KIAA0040: variants seen among roughly 807,000 people sequenced by gnomAD.
KIAA0040 encodes the protein KIAA0040.
A neutral mutation model predicts 7.2 loss-of-function variants in KIAA0040; 10 were observed. The ratio of observed to expected loss-of-function variants is 1.38; its 90% CI spans 0.85 to 2.34. The LOEUF (loss-of-function observed/expected upper bound fraction) is 2.34, where lower values mean the gene tolerates loss of function less well. Among genes scored for constraint, KIAA0040 ranks in the 30% most tolerant of loss-of-function variants. The pLI is 0.00. For synonymous variants in KIAA0040, 49 were observed against 40.1 expected (o/e 1.22, Z -0.84); for missense variants, 89 against 108.2 (o/e 0.82, Z 0.79).
intron 2 of KIAA0040, among the ~76,000 whole-genome samples, chr1:175,167,805 A>T (rs1432468326): frequency 1.3e-5 from 2 of 152,002 alleles, no homozygotes; most frequent in East Asian, 3.9e-4. Flanking sequence ...ACATGAGAGG[A>T]GGTGTCCCTG....
intron 2 of KIAA0040, among the ~76,000 whole-genome samples, chr1:175,172,190 C>T (rs1677019830): frequency 6.6e-6 from 1 of 152,128 alleles, no homozygotes; most frequent in South Asian, 2.1e-4. Context: ...CCTCATGTTA[C>T]CCTCAGGATT....
intron 1 of KIAA0040, among the ~76,000 whole-genome samples, chr1:175,191,062 T>C (rs1388797479): frequency 6.6e-6 from 1 of 152,262 alleles, no homozygotes; most frequent in Non-Finnish European, 1.5e-5. Flanking sequence ...CAGTGCCCTG[T>C]AGCTACTGCT....
At chr1:175,181,023 T>G (rs1677420458) in intron 1 of KIAA0040, among the ~76,000 whole-genome samples, 1 of 152,006 alleles carries the variant, frequency 6.6e-6, no homozygotes, top group Admixed American at 6.6e-5. Context: ...TTATTATTAT[T>G]ATTACTTTAG....
At chr1:175,170,840 C>A (rs1422004552) in intron 2 of KIAA0040, among the ~76,000 whole-genome samples, 1 of 151,790 alleles carries the variant, frequency 6.6e-6, no homozygotes, top group African/African-American at 2.4e-5. Flanking sequence ...ACCCCCAGGC[C>A]CTGCTCACGC....
At chr1:175,184,333 G>T (rs1226960280) in intron 1 of KIAA0040, among the ~76,000 whole-genome samples, 1 of 152,160 alleles carries the variant, frequency 6.6e-6, no homozygotes, top group African/African-American at 2.4e-5. Flanking sequence ...ACATTACAGG[G>T]TCTCCTCCCT....
chr1:175,176,702 C>CTTTTTTTTTTTTTT (rs1677212623), intron 2 of KIAA0040, among the ~76,000 whole-genome samples: 2 of 20,134 alleles, frequency 9.9e-5, no homozygotes, highest in Non-Finnish European at 2.2e-4. Flanking sequence ...TTTTTTTTTG[C>CTTTTTTTTTTTTTT]TTCAGCACCT....
At chr1:175,176,669 C>CTTTTTTTT (rs34859478) in intron 2 of KIAA0040, among the ~76,000 whole-genome samples, 785 of 27,466 alleles carry the variant, frequency 0.029, 285 homozygotes, top group Non-Finnish European at 0.048. Context: ...AAGTAGCATG[C>CTTTTTTTT]TTTTTTTTTT....
At chr1:175,188,483 C>T (rs568263467) in intron 1 of KIAA0040, among the ~76,000 whole-genome samples, 101 of 152,272 alleles carry the variant, frequency 6.6e-4, no homozygotes, top group African/African-American at 2.3e-3. Flanking sequence ...GTGTCTGTGA[C>T]GAGTCTCCTG....
At chr1:175,186,414 A>G (rs1034589517) in intron 1 of KIAA0040, among the ~76,000 whole-genome samples, 2 of 152,218 alleles carry the variant, frequency 1.3e-5, no homozygotes, top group African/African-American at 2.4e-5. Flanking sequence ...TTTTACCCTC[A>G]GGCCCTACCT....
chr1:175,161,002 G>A lies in KIAA0040; in HGVS notation c.12C>T (p.Ile4=). The A allele has an allele frequency of 6.4e-7, 1 of 1,550,740 alleles. No homozygotes were observed. MER[I]SAFFSSIWDT... is the part of the protein sequence containing the mutation. ...CCCAGATAGAGCTGAAGAAGGCACT[G>A]ATTCTCTCCATGGTGCTTGGCTAGA... The change falls in exon 4 of 4, where the codon ATC becomes ATT. Residue 4 remains isoleucine (I), a synonymous_variant. Coordinates refer to ENST00000423313, the MANE Select transcript of KIAA0040 (RefSeq NM_014656.3).
Position 175,182,531 on chromosome 1 carries a change from G to A in KIAA0040, c.-383-4847C>T, listed in dbSNP as rs555368682. On this transcript the variant is annotated intron_variant, in intron 1 of 3. Coordinates refer to ENST00000423313, the MANE Select transcript of KIAA0040 (RefSeq NM_014656.3). The stretch of plus-strand genomic sequence containing the variant: ...CTAAGAGTCAAGCCTAGATCGGTCC[G>A]TGGTCAGAGGCTGCACAGTGGAAGC... 5.6e-4 allele frequency among the ~76,000 whole-genome samples: 86 copies of A among 152,282 alleles called. 1 individual carries two copies. The highest frequency in any genetic ancestry group is 5.6e-3 in the South Asian group (27 of 4,828).
chr1:175,184,205 G>C (rs969936316), intron 1 of KIAA0040, among the ~76,000 whole-genome samples: 2 of 152,198 alleles, frequency 1.3e-5, no homozygotes, highest in Non-Finnish European at 2.9e-5. Context: ...AATTGGCAAA[G>C]ATACTGTATA....
At chr1:175,188,639 C>T (rs1448938456) in intron 1 of KIAA0040, among the ~76,000 whole-genome samples, 2 of 152,188 alleles carry the variant, frequency 1.3e-5, no homozygotes, top group African/African-American at 2.4e-5. Flanking sequence ...TGAGGAAACA[C>T]TAAAAGGATT....
chr1:175,182,500 T>G (rs774881662), intron 1 of KIAA0040, among the ~76,000 whole-genome samples: 8 of 152,270 alleles, frequency 5.3e-5, no homozygotes, highest in South Asian at 4.2e-4. Flanking sequence ...CAAATGACAT[T>G]CTATCCTAAG....
intron 1 of KIAA0040, among the ~76,000 whole-genome samples, chr1:175,188,443 T>C (rs1030447634): frequency 1.3e-5 from 2 of 152,204 alleles, no homozygotes; most frequent in African/African-American, 4.8e-5. Context: ...GGAAAAAGTC[T>C]ATCATGCTAC....
At chr1:175,180,100 T>C (rs952723403) in intron 1 of KIAA0040, among the ~76,000 whole-genome samples, 4 of 152,168 alleles carry the variant, frequency 2.6e-5, no homozygotes, top group Non-Finnish European at 4.4e-5. Context: ...TCTCCTGGCC[T>C]CTATTCAACA....
rs1676333071 is a variant in KIAA0040, at chr1:175,157,564, A to C, written c.*3150T>G. 6.6e-6 allele frequency: 1 copy of C among 152,196 alleles called. No homozygotes were observed. Among genetic ancestry groups the C allele is most frequent in the Non-Finnish European group, 1.5e-5 (1 of 68,036 alleles). The allele number at this position is 152,196 out of a possible 1,614,324, so 9.4% of individuals were successfully genotyped here. A position where few individuals can be genotyped will look rare whatever the true frequency, so the allele number is the denominator to read the frequency against. On this transcript the variant is annotated 3_prime_UTR_variant, in exon 4 of 4. Coordinates refer to ENST00000423313, the MANE Select transcript of KIAA0040 (RefSeq NM_014656.3). ...ATTTTCAAAGTATTTTATTTAAATA[A>C]ATTTTTCTTTTGTGTGTGTTTGAAT...
rs1016257594 is a variant in KIAA0040, at chr1:175,157,689, C to A, written c.*3025G>T. 1 of 151,818 alleles carries A rather than the reference C, an allele frequency of 6.6e-6. No homozygotes were observed. Among genetic ancestry groups the A allele is most frequent in the African/African-American group, 2.4e-5 (1 of 41,314 alleles). The allele number at this position is 151,818 out of a possible 1,614,324, so 9.4% of individuals were successfully genotyped here. A position where few individuals can be genotyped will look rare whatever the true frequency, so the allele number is the denominator to read the frequency against. On this transcript the variant is annotated 3_prime_UTR_variant, in exon 4 of 4. Coordinates refer to ENST00000423313, the MANE Select transcript of KIAA0040 (RefSeq NM_014656.3). The stretch of plus-strand genomic sequence containing the variant: ...TTTTCTACCTTTCTCCCTCCCTGCT[C>A]CCCCCAAGAAAAAGAAACATGGAAT...
chr1:175,189,551 T>C (rs1195237495), intron 1 of KIAA0040, among the ~76,000 whole-genome samples: 1 of 152,220 alleles, frequency 6.6e-6, no homozygotes, highest in African/African-American at 2.4e-5. Context: ...TAGATGCATG[T>C]GATTGATATC....
Sources: gnomAD v4.1 joint callset for allele counts (sites outside exome capture counted in the v4.1 genomes callset) on GRCh38, gnomAD v4.1.1 for gene constraint, MANE v1.5 for transcripts, NCBI Gene and HGNC (gene_info 2026-07-23, HGNC 2026-07-21) for gene names.